The following NTM variants were observed in gnomAD, a reference collection of about 807,000 sequenced individuals.
The protein encoded by NTM is neurotrimin.
Under a neutral mutation model 42.1 loss-of-function variants are expected in NTM, and 13 were observed. The ratio of observed to expected loss-of-function variants is 0.31; its 90% CI spans 0.20 to 0.49. The LOEUF is 0.49. Ranked by LOEUF, NTM falls within the 20% of genes least tolerant of loss-of-function variation. NTM has a pLI of 0.99. For synonymous variants in NTM, 187 were observed against 179.2 expected, an observed-to-expected ratio of 1.04 and a Z score of -0.35; for missense variants, 373 against 452.8, an observed-to-expected ratio of 0.82 and a Z score of 1.60.
intron 1 of NTM, among the ~76,000 whole-genome samples, chr11:131,401,844 A>G (rs756737958): frequency 0.015 from 1,489 of 101,062 alleles, 103 homozygotes; most frequent in Middle Eastern, 0.039. Context: ...ATATATATAT[A>G]TATATATATA....
In NTM at chr11:132,146,402, G is replaced by T. The variant is rs190818488; in HGVS notation, c.288G>T (p.Thr96=). The T allele has an allele frequency of 1.2e-6, 2 of 1,614,170 alleles. No individual in the cohort carries two copies. Among genetic ancestry groups the T allele is most frequent in the South Asian group, 1.1e-5 (1 of 91,078 alleles). The change falls in exon 3 of 9, where the codon ACG becomes ACT. Residue 96 remains threonine, a synonymous_variant. Transcript: ENST00000683400. This position sits in a 1 kb window ranked among gnomAD's most constrained non-coding sequence, Gnocchi z 4.5. ...PRVVLLSNTQ[T]QYSIEIQNVD... ...TGGTCCTTCTGAGCAACACCCAAAC[G>T]CAGTACAGCATCGAGATCCAGAACG...
At chr11:131,539,760 T>C (rs946685588) in intron 1 of NTM, among the ~76,000 whole-genome samples, 1 of 152,092 alleles carries the variant, frequency 6.6e-6, no homozygotes, top group Non-Finnish European at 1.5e-5. Flanking sequence ...AGCTGGGGCA[T>C]GGGAGTGGAG....
chr11:131,653,500 A>G (rs913348587), intron 1 of NTM, among the ~76,000 whole-genome samples: 3 of 152,220 alleles, frequency 2.0e-5, no homozygotes, highest in African/African-American at 4.8e-5. Context: ...GTGTTTTACT[A>G]TATGAACAAG....
intron 1 of NTM, among the ~76,000 whole-genome samples, chr11:131,500,550 T>TATAC (rs1379225326): frequency 0.09 from 1,090 of 12,170 alleles, 7 homozygotes; most frequent in Non-Finnish European, 0.11. Flanking sequence ...ATTATATATA[T>TATAC]ATATATATAT....
At chr11:131,391,068 C>A (rs1943933518) in intron 1 of NTM, among the ~76,000 whole-genome samples, 1 of 152,204 alleles carries the variant, frequency 6.6e-6, no homozygotes, top group African/African-American at 2.4e-5. Flanking sequence ...GGCACACTTA[C>A]TACACGTGTG....
chr11:131,418,534 G>C (rs1947177043), intron 1 of NTM, among the ~76,000 whole-genome samples: 1 of 152,194 alleles, frequency 6.6e-6, no homozygotes, highest in African/African-American at 2.4e-5. Flanking sequence ...GGTAGAGAGG[G>C]AACAAACAGC....
chr11:131,568,908 C>T (rs2057166264), intron 1 of NTM, among the ~76,000 whole-genome samples: 1 of 152,154 alleles, frequency 6.6e-6, no homozygotes, highest in Non-Finnish European at 1.5e-5. Context: ...TTTTCAACAG[C>T]TTTATAGAGA....
At chr11:132,287,629 T>C (rs1161271300) in intron 4 of NTM, among the ~76,000 whole-genome samples, 1 of 152,168 alleles carries the variant, frequency 6.6e-6, no homozygotes, top group Non-Finnish European at 1.5e-5. Flanking sequence ...CAAGTACAAA[T>C]GAATCAGGGA....
intron 1 of NTM, among the ~76,000 whole-genome samples, chr11:131,704,622 G>A (rs2135219586): frequency 6.7e-6 from 1 of 150,330 alleles, no homozygotes; most frequent in African/African-American, 2.5e-5. Flanking sequence ...TGAAACACTA[G>A]TAACTGACCC....
At position 132,227,372 on chromosome 11, in the gene NTM, T is replaced by A. The variant is rs1163070862; in HGVS notation, c.526+15225T>A. Among the ~76,000 whole-genome samples, 6 of 152,104 alleles carry A rather than the reference T, an allele frequency of 3.9e-5. No homozygotes were observed. The East Asian group carries it at 9.6e-4, about 24-fold the overall frequency. ...TGAAGACGGTAGATAAAAGATTAAT[T>A]AGAAAGAGGGAGAATGGGTTAAAGA... On this transcript the variant is annotated intron_variant, in intron 4 of 8. Transcript: ENST00000683400.
intron 1 of NTM, among the ~76,000 whole-genome samples, chr11:131,824,304 A>G (rs2041878849): frequency 6.6e-6 from 1 of 152,204 alleles, no homozygotes; most frequent in African/African-American, 2.4e-5. Context: ...ATTGTCCCCT[A>G]CAACTTCTAC....
At chr11:131,751,129 A>C (rs7929834) in intron 1 of NTM, among the ~76,000 whole-genome samples, 10,924 of 152,116 alleles carry the variant, frequency 0.072, 1,351 homozygotes, top group African/African-American at 0.25. Context: ...AGTGTGATCT[A>C]TTTATTTTTT....
At chr11:132,301,669 G>C (rs1420988277) in intron 4 of NTM, among the ~76,000 whole-genome samples, 4 of 152,208 alleles carry the variant, frequency 2.6e-5, no homozygotes, top group Non-Finnish European at 5.9e-5. Context: ...AGGAACACCT[G>C]ATGCAACCTG....
intron 2 of NTM, among the ~76,000 whole-genome samples, chr11:132,075,486 T>C (rs2058244270): frequency 6.9e-6 from 1 of 144,312 alleles, no homozygotes; most frequent in African/African-American, 2.7e-5. Context: ...GATTTTGCAT[T>C]TCTAAGGTTA....
rs1565465248 is a variant in NTM, at chr11:131,401,816, A to ATATATATATATATGTGTG, written c.82+30941_82+30942insGTGTGTATATATATATAT. 2.7e-4 allele frequency among the ~76,000 whole-genome samples: 9 copies of ATATATATATATATGTGTG among 33,266 alleles called. 1 individual carries two copies. The highest frequency in any genetic ancestry group is 1.1e-3 in the African/African-American group (7 of 6,400). 21.8% of individuals were successfully genotyped at this position (33,266 alleles called of 152,430 possible). Reference sequence around the variant, plus strand: ...CCACTGGAAATATATATATATATATATATATATATATATATATATATATAT... The same window carrying ATATATATATATATGTGTG: ...CCACTGGAAATATATATATATATATATATATATATATATGTGTGTATATATATATATATATATATATAT... On this transcript the variant is annotated intron_variant, in intron 1 of 8. Coordinates refer to ENST00000683400, the MANE Select transcript of NTM (RefSeq NM_001352005.2).
chr11:131,856,383 A>G (rs2046101014), intron 1 of NTM, among the ~76,000 whole-genome samples: 1 of 152,198 alleles, frequency 6.6e-6, no homozygotes, highest in Non-Finnish European at 1.5e-5. Context: ...TCAACGAATA[A>G]TACTCATTTC....
intron 2 of NTM, among the ~76,000 whole-genome samples, chr11:132,082,059 G>T (rs11822760): frequency 0.01 from 1,340 of 133,110 alleles, 16 homozygotes; most frequent in African/African-American, 0.039. Context: ...GGAATTAAAA[G>T]ATAAAAAAAA....
At chr11:132,144,629 G>C (rs1486354401) in intron 2 of NTM, among the ~76,000 whole-genome samples, 1 of 152,146 alleles carries the variant, frequency 6.6e-6, no homozygotes, top group Admixed American at 6.6e-5. Context: ...CAGTAGACTG[G>C]GGGTGAGACT....
At chr11:131,798,696 T>C (rs1022018989) in intron 1 of NTM, among the ~76,000 whole-genome samples, 3 of 152,228 alleles carry the variant, frequency 2.0e-5, no homozygotes, top group African/African-American at 7.2e-5. Context: ...TACTAAGGTG[T>C]GAATATCAGC....
Sources: allele counts gnomAD v4.1 joint callset (sites outside exome capture counted in the v4.1 genomes callset), GRCh38; gene constraint gnomAD v4.1.1; non-coding constraint Gnocchi (gnomAD v3.1); transcripts MANE v1.5; gene names NCBI Gene and HGNC (gene_info 2026-07-23, HGNC 2026-07-21).